PAK3: variants seen among roughly 807,000 people sequenced by gnomAD.
PAK3 encodes the protein p21 (RAC1) activated kinase 3, also known as serine/threonine-protein kinase PAK 3.
Under a neutral mutation model 41.0 loss-of-function variants are expected in PAK3, and 4 were observed. That is an observed-to-expected ratio of 0.10 (90% CI 0.05 to 0.22). The LOEUF is 0.22. Ranked by LOEUF, PAK3 falls within the 10% of genes least tolerant of loss-of-function variation. The pLI is 1.00. For synonymous variants in PAK3, 146 were observed against 139.6 expected (o/e 1.05, Z -0.32); for missense variants, 205 against 409.9 (o/e 0.50, Z 4.32).
intron 16 of PAK3, among the ~76,000 whole-genome samples, chrX:111,200,797 A>G (rs1415597031): frequency 2.7e-5 from 3 of 112,653 alleles, no homozygotes; most frequent in African/African-American, 9.7e-5. Context: ...TTTAAGGATT[A>G]AACAAATGGC....
chrX:111,104,733 T>C (rs1308969325), intron 4 of PAK3, among the ~76,000 whole-genome samples: 1 of 111,708 alleles, frequency 9.0e-6, no homozygotes, highest in African/African-American at 3.3e-5. Flanking sequence ...TTTTCTCCTA[T>C]GATAATCTTG....
Position 111,204,878 on chromosome X carries a change from GTTTTTTTT to G in PAK3, c.1407+8249_1407+8256del, listed in dbSNP as rs1163687252. 4.1e-3 allele frequency among the ~76,000 whole-genome samples: 156 copies of G among 37,666 alleles called. 1 individual carries two copies. The highest frequency in any genetic ancestry group is 0.015 in the African/African-American group (148 of 9,785). 32.7% of individuals were successfully genotyped at this position (37,666 alleles called of 115,157 possible). The stretch of plus-strand genomic sequence containing the variant: ...TTTCTTTTCTTCTTTCCTTTGCTTT[GTTTTTTTT>G]TTTTTTTTTTGTAAAGAATTACCCT... On this transcript the variant is annotated intron_variant, in intron 16 of 17. Coordinates refer to ENST00000372007, the MANE Select transcript of PAK3 (RefSeq NM_002578.5).
chrX:111,012,055 C>A lies in PAK3; in HGVS notation c.-28+67427C>A, dbSNP rs1477473073. Among the ~76,000 whole-genome samples the A allele has an allele frequency of 8.1e-5, 9 of 111,628 alleles. No individual in the cohort carries two copies. In the Admixed American group the frequency reaches 8.5e-4, roughly 11 times the overall value. On this transcript the variant is annotated intron_variant, in intron 1 of 14. Transcript: ENST00000425146. The stretch of plus-strand genomic sequence containing the variant: ...TTTGTCTGCCTGCTTTGCTGCTAAA[C>A]CACTTGCATATCAGGGAGATGAAGT...
At chrX:111,012,964 T>C (rs2092033370) in intron 1 of PAK3, among the ~76,000 whole-genome samples, 1 of 111,528 alleles carries the variant, frequency 9.0e-6, no homozygotes, top group African/African-American at 3.3e-5. Flanking sequence ...TTTAATTTTT[T>C]AAAAAGATGT....
At chrX:110,982,891 T>C (rs1280552408) in intron 1 of PAK3, among the ~76,000 whole-genome samples, 2 of 109,928 alleles carry the variant, frequency 1.8e-5, no homozygotes, top group Non-Finnish European at 3.8e-5. Flanking sequence ...CTGGAGGAAG[T>C]GGGATGGCAT....
chrX:111,006,841 CTTTCTTTCTTT>C (rs2091935424), intron 1 of PAK3, among the ~76,000 whole-genome samples: 1 of 12,167 alleles, frequency 8.2e-5, no homozygotes, highest in African/African-American at 1.2e-4. Context: ...TTCTTTCTTT[CTTTCTTTCTTT>C]TTTTTTTTTT....
chrX:110,965,360 A>G (rs1465731163), intron 1 of PAK3, among the ~76,000 whole-genome samples: 2 of 112,300 alleles, frequency 1.8e-5, no homozygotes, highest in African/African-American at 6.5e-5. Flanking sequence ...GATCTCTCCA[A>G]GCTCCTCTTC....
At chrX:111,139,964 C>A (rs1250805017) in intron 5 of PAK3, among the ~76,000 whole-genome samples, 3 of 111,161 alleles carry the variant, frequency 2.7e-5, no homozygotes, top group South Asian at 3.8e-4. Flanking sequence ...GAAGATTGAC[C>A]CCAAAAAGCT....
At chrX:111,024,106 G>T (rs189450149) in intron 1 of PAK3, among the ~76,000 whole-genome samples, 4 of 111,779 alleles carry the variant, frequency 3.6e-5, no homozygotes, top group Non-Finnish European at 7.5e-5. Flanking sequence ...TCAGCTTTCT[G>T]CATATGGCTA....
intron 1 of PAK3, among the ~76,000 whole-genome samples, chrX:111,066,767 A>G (rs1287449137): frequency 2.7e-5 from 3 of 112,303 alleles, no homozygotes; most frequent in Non-Finnish European, 5.6e-5. Context: ...CTGCCATTTA[A>G]TAAGCATATA....
chrX:111,128,868 G>A (rs1406595839), intron 5 of PAK3, among the ~76,000 whole-genome samples: 1 of 111,515 alleles, frequency 9.0e-6, no homozygotes, highest in African/African-American at 3.3e-5. Flanking sequence ...ATTTGCTTTG[G>A]GTGTTTTGTA....
At chrX:111,098,251 A>C (rs2093046592) in intron 3 of PAK3, among the ~76,000 whole-genome samples, 1 of 109,267 alleles carries the variant, frequency 9.2e-6, no homozygotes, top group African/African-American at 3.3e-5. Context: ...CAGGGATGGG[A>C]AGGTGCTGAC....
At chrX:111,166,344 C>A in intron 10 of PAK3, among the ~76,000 whole-genome samples, 1 of 111,726 alleles carries the variant, frequency 9.0e-6, no homozygotes, top group Non-Finnish European at 1.9e-5. Context: ...GGCTCTGTTA[C>A]CCAGGCTGGA....
At chrX:111,066,900 C>A (rs1008986071) in intron 1 of PAK3, among the ~76,000 whole-genome samples, 3 of 111,500 alleles carry the variant, frequency 2.7e-5, no homozygotes, top group African/African-American at 6.5e-5. Flanking sequence ...GAGTCTCATA[C>A]GTAATATTTT....
At chrX:111,091,227 G>C (rs1277792088), upstream of PAK3, among the ~76,000 whole-genome samples, 2 of 111,578 alleles carry the variant, frequency 1.8e-5, no homozygotes, top group African/African-American at 6.5e-5. Flanking sequence ...AGGTTCTACA[G>C]GGCAGGTCTC....
At chrX:111,141,461 TAA>T (rs1237490642) in intron 5 of PAK3, among the ~76,000 whole-genome samples, 1 of 111,577 alleles carries the variant, frequency 9.0e-6, no homozygotes, top group Non-Finnish European at 1.9e-5. Flanking sequence ...ATTAATTCAG[TAA>T]AAAAAGCAGC....
chrX:111,165,420 G>A lies in PAK3; in HGVS notation c.766+1693G>A, dbSNP rs2094242516. 8.9e-5 allele frequency among the ~76,000 whole-genome samples: 10 copies of A among 111,736 alleles called. 1 individual carries two copies. In the South Asian group the frequency reaches 3.8e-3, roughly 42 times the overall value. On this transcript the variant is annotated intron_variant, in intron 10 of 17. Transcript: ENST00000372007. ...TCTAATATCCTCATTTTACAGACCA[G>A]TGAATGAAAGTAAGCTTTAAAAGGC...
chrX:111,194,521 A>G, intron 14 of PAK3, 103 bp downstream of exon 14: 1 of 587,505 alleles, frequency 1.7e-6, no homozygotes, highest in African/African-American at 2.2e-5. Flanking sequence ...CAATAGTAGA[A>G]CTTTTCCACT....
intron 10 of PAK3, 58 bp from the exon 11 acceptor site, chrX:111,172,954 TTCTCTC>T (rs763717339): frequency 1.4e-5 from 8 of 582,069 alleles, no homozygotes; most frequent in Non-Finnish European, 2.3e-5. Flanking sequence ...CAATTTCTAT[TTCTCTC>T]TCTCTCTCTC....
Sources: allele counts gnomAD v4.1 joint callset (sites outside exome capture counted in the v4.1 genomes callset), GRCh38; gene constraint gnomAD v4.1.1; transcripts MANE v1.5; gene names NCBI Gene and HGNC (gene_info 2026-07-23, HGNC 2026-07-21).